Variants in DSCAML1 observed in about 807,000 individuals in gnomAD.
DSCAML1 encodes cell adhesion molecule DSCAML1.
In DSCAML1, 38 loss-of-function variants were observed where a neutral mutation model predicts 200.5. The ratio of observed to expected loss-of-function variants is 0.19; its 90% CI spans 0.15 to 0.25. The LOEUF (loss-of-function observed/expected upper bound fraction) is 0.25. Among genes scored for constraint, DSCAML1 ranks in the 10% least tolerant of loss-of-function variants. The pLI, the probability that DSCAML1 is intolerant of heterozygous loss-of-function variation, is 1.00. For synonymous variants in DSCAML1, 1,215 were observed against 1,165.0 expected (o/e 1.04, Z -0.87); for missense variants, 2,223 against 2,858.8 (o/e 0.78, Z 5.07).
intron 3 of DSCAML1, among the ~76,000 whole-genome samples, chr11:117,699,091 GA>G (rs1400555599): frequency 3.3e-5 from 5 of 152,182 alleles, no homozygotes; most frequent in Admixed American, 3.3e-4. Context: ...CATCCCTCCA[GA>G]AAAGAGGCAC....
intron 15 of DSCAML1, among the ~76,000 whole-genome samples, chr11:117,470,314 A>G (rs544274): frequency 0.094 from 14,349 of 152,138 alleles, 735 homozygotes; most frequent in East Asian, 0.12. Flanking sequence ...GGTGGCTCAC[A>G]CCTGTAATCC....
At chr11:117,550,602 T>C (rs1374858193) in intron 3 of DSCAML1, among the ~76,000 whole-genome samples, 1 of 152,218 alleles carries the variant, frequency 6.6e-6, no homozygotes, top group Non-Finnish European at 1.5e-5. Context: ...CTGCTATGCT[T>C]TTTGTGCATT....
intron 1 of DSCAML1, among the ~76,000 whole-genome samples, chr11:117,788,728 T>C (rs1230286903): frequency 6.6e-6 from 1 of 152,234 alleles, no homozygotes; most frequent in East Asian, 1.9e-4. Context: ...TGGATGTAGC[T>C]ACTACTCAAG....
chr11:117,540,663 G>A (rs533055183), intron 3 of DSCAML1, among the ~76,000 whole-genome samples: 5 of 152,002 alleles, frequency 3.3e-5, no homozygotes, highest in Admixed American at 6.6e-5. Flanking sequence ...GACACAGGGC[G>A]GGGAACATCA....
In DSCAML1 at chr11:117,580,561, C is replaced by A. The variant is rs531129369; in HGVS notation, c.512-48039G>T. ...AGAGGCTCTTTGTGATGCCTTGCAC[C>A]CAGTAATTGCTAAATAAATGTTGGC... On this transcript the variant is annotated intron_variant, in intron 3 of 32. Coordinates refer to ENST00000651296, the MANE Select transcript of DSCAML1 (RefSeq NM_020693.4). Among the ~76,000 whole-genome samples the A allele has an allele frequency of 5.8e-4, 68 of 116,804 alleles. 1 individual carries two copies. The highest frequency in any genetic ancestry group is 8.8e-3 in the Middle Eastern group (2 of 228). 76.6% of individuals were successfully genotyped at this position (116,804 alleles called of 152,430 possible). A position where few individuals can be genotyped will look rare whatever the true frequency, so the allele number is the denominator to read the frequency against.
intron 3 of DSCAML1, among the ~76,000 whole-genome samples, chr11:117,557,573 C>T (rs1197149071): frequency 1.3e-5 from 2 of 152,232 alleles, no homozygotes; most frequent in Non-Finnish European, 2.9e-5. Context: ...GTCAGCAAAG[C>T]ATTTCACTGT....
At chr11:117,641,134 A>G (rs2052397028) in intron 3 of DSCAML1, among the ~76,000 whole-genome samples, 1 of 152,230 alleles carries the variant, frequency 6.6e-6, no homozygotes, top group Non-Finnish European at 1.5e-5. Flanking sequence ...CCACATCTCA[A>G]TTCCCCAGCC....
At chr11:117,431,113 A>T in intron 31 of DSCAML1, 80 bp from the exon 32 acceptor site, 1 of 1,369,302 alleles carries the variant, frequency 7.3e-7, no homozygotes, top group Non-Finnish European at 9.9e-7. Context: ...CCTGCCCGTA[A>T]CCCCAGCAGC....
intron 3 of DSCAML1, among the ~76,000 whole-genome samples, chr11:117,743,328 A>G (rs538184355): frequency 6.6e-6 from 1 of 152,302 alleles, no homozygotes; most frequent in South Asian, 2.1e-4. Context: ...CAGTCCCCAG[A>G]GGGTTACAGT....
chr11:117,696,779 C>T (rs1372200558), intron 3 of DSCAML1, among the ~76,000 whole-genome samples: 1 of 152,194 alleles, frequency 6.6e-6, no homozygotes, highest in Non-Finnish European at 1.5e-5. Flanking sequence ...AAATGCTAAT[C>T]TCCCATAGTT....
intron 2 of DSCAML1, among the ~76,000 whole-genome samples, chr11:117,779,990 C>G (rs1049598708): frequency 1.3e-5 from 2 of 151,646 alleles, no homozygotes; most frequent in Non-Finnish European, 2.9e-5. Flanking sequence ...AAATGAGCAC[C>G]AACTCATTTA....
In DSCAML1 at chr11:117,739,963, G is replaced by C. The variant is rs574368624; in HGVS notation, c.511+36828C>G. On this transcript the variant is annotated intron_variant, in intron 3 of 32. Coordinates refer to ENST00000651296, the MANE Select transcript of DSCAML1 (RefSeq NM_020693.4). Reference sequence around the variant, plus strand: ...CAGATCCATCTGCTCAGACACTTGGGCACATGACCAACATTTTTTAGCATT... The same window carrying C: ...CAGATCCATCTGCTCAGACACTTGGCCACATGACCAACATTTTTTAGCATT... Among the ~76,000 whole-genome samples the C allele has an allele frequency of 6.6e-5, 10 of 152,310 alleles. No individual in the cohort carries two copies. In the South Asian group the frequency reaches 2.1e-3, roughly 32 times the overall value.
At chr11:117,449,425 C>G (rs186220144) in intron 20 of DSCAML1, among the ~76,000 whole-genome samples, 1 of 152,044 alleles carries the variant, frequency 6.6e-6, no homozygotes, top group Non-Finnish European at 1.5e-5. Context: ...GTCTCACTGG[C>G]GGGGAGCTGG....
intron 11 of DSCAML1, among the ~76,000 whole-genome samples, chr11:117,488,350 ACTT>A (rs765159942): frequency 1.3e-5 from 2 of 152,124 alleles, no homozygotes; most frequent in Non-Finnish European, 2.9e-5. Context: ...CCTCCCCCTT[ACTT>A]CTTGCTCTGG....
intron 1 of DSCAML1, among the ~76,000 whole-genome samples, chr11:117,817,041 G>C (rs1176598686): frequency 6.6e-6 from 1 of 152,218 alleles, no homozygotes; most frequent in Non-Finnish European, 1.5e-5. Flanking sequence ...GAGCTGCTCA[G>C]AGGCTGGATG....
chr11:117,574,079 G>T (rs941949192), intron 3 of DSCAML1, among the ~76,000 whole-genome samples: 3 of 152,204 alleles, frequency 2.0e-5, no homozygotes, highest in African/African-American at 7.2e-5. Flanking sequence ...GGGAAGGGGG[G>T]CCAGTGTGTC....
rs554395794 is a variant in DSCAML1, at chr11:117,598,453, G to A, written c.512-65931C>T. Among the ~76,000 whole-genome samples, 98 of 152,208 alleles carry A rather than the reference G, an allele frequency of 6.4e-4. 1 individual carries two copies. Among genetic ancestry groups the A allele is most frequent in the African/African-American group, 2.3e-3 (94 of 41,536 alleles). ...TTTCTGACATCCCAATCCAAGCTAC[G>A]CCCAGCTATAACATGGGCATCTAGG... On this transcript the variant is annotated intron_variant, in intron 3 of 32. Transcript: ENST00000651296.
At chr11:117,611,083 C>T (rs1231906318) in intron 3 of DSCAML1, 1 of 152,228 alleles carries the variant, frequency 6.6e-6, no homozygotes. Flanking sequence ...AGACAGAACT[C>T]CCTGCATGGC....
At chr11:117,564,745 TTCTC>T (rs5795094) in intron 3 of DSCAML1, among the ~76,000 whole-genome samples, 22 of 148,252 alleles carry the variant, frequency 1.5e-4, no homozygotes, top group African/African-American at 4.3e-4. Context: ...CTTCTCTTTC[TTCTC>T]TCTCTCTCTT....
Sources: allele counts gnomAD v4.1 joint callset (sites outside exome capture counted in the v4.1 genomes callset), GRCh38; gene constraint gnomAD v4.1.1; transcripts MANE v1.5; gene names NCBI Gene and HGNC (gene_info 2026-07-23, HGNC 2026-07-21).